The following SENP2 variants were observed in gnomAD, a reference collection of about 807,000 sequenced individuals.
The protein encoded by SENP2 is SUMO specific peptidase 2.
SENP2 carries 16 observed loss-of-function variants against 86.3 expected under a neutral mutation model. That is an observed-to-expected ratio of 0.19 (90% CI 0.13 to 0.28). SENP2 has a LOEUF of 0.28. Ranked by LOEUF, SENP2 falls within the 10% of genes least tolerant of loss-of-function variation. SENP2 has a pLI of 1.00. For missense variants in SENP2, 552 were observed against 703.0 expected, an observed-to-expected ratio of 0.79 and a Z score of 2.43; for synonymous variants, 222 against 238.7, an observed-to-expected ratio of 0.93 and a Z score of 0.64.
chr3:185,599,054 C>A, intron 4 of SENP2, 30 bp downstream of exon 4: 2 of 1,545,846 alleles, frequency 1.3e-6, no homozygotes, highest in Non-Finnish European at 1.8e-6. Flanking sequence ...TTCTGTTTCC[C>A]GCTACCTCCT....
intron 2 of SENP2, among the ~76,000 whole-genome samples, chr3:185,591,439 C>T (rs1721994175): frequency 6.6e-6 from 1 of 152,012 alleles, no homozygotes; most frequent in Non-Finnish European, 1.5e-5. Flanking sequence ...GCAACCTCCA[C>T]CTCCCGGGTT....
At chr3:185,613,676 A>G (rs1411627500) in intron 10 of SENP2, 1 of 236,944 alleles carries the variant, frequency 4.2e-6, no homozygotes, top group Admixed American at 5.4e-5. Context: ...AAAAAAATTT[A>G]AAAGTTAGCC....
In SENP2 at chr3:185,632,232, T is replaced by TG. The variant is rs1560206151; in HGVS notation, c.*2388_*2389insG. ...CCAGTGGTTTTTTTTTTGTTTTTTT[T>TG]TTTTGTTTTTTTTTTTTTTTTTTGC... On this transcript the variant is annotated 3_prime_UTR_variant, in exon 17 of 17. Coordinates refer to ENST00000296257, the MANE Select transcript of SENP2 (RefSeq NM_021627.3). 9.3e-6 allele frequency: 1 copy of TG among 107,296 alleles called. No homozygotes were observed. The highest frequency in any genetic ancestry group is 3.6e-5 in the African/African-American group (1 of 27,802). 6.6% of individuals were successfully genotyped at this position (107,296 alleles called of 1,614,324 possible).
At chr3:185,613,838 A>G (rs1051873365) in intron 10 of SENP2, among the ~76,000 whole-genome samples, 31 of 151,732 alleles carry the variant, frequency 2.0e-4, no homozygotes, top group Non-Finnish European at 1.2e-4. Context: ...AAAAAAAAAA[A>G]AAAAAAAAAA....
At chr3:185,620,074 AT>A (rs1299975557) in intron 13 of SENP2, among the ~76,000 whole-genome samples, 5 of 123,484 alleles carry the variant, frequency 4.0e-5, no homozygotes, top group African/African-American at 9.2e-5. Flanking sequence ...TTAAATTTTT[AT>A]TTTTAGAGAC....
intron 7 of SENP2, 23 bp downstream of exon 7, chr3:185,609,373 T>G: frequency 6.6e-7 from 1 of 1,514,860 alleles, no homozygotes; most frequent in East Asian, 2.3e-5. Flanking sequence ...TAACAGATAA[T>G]GCTTTGCTAG....
At chr3:185,599,470 C>G (rs1287912276) in intron 4 of SENP2, among the ~76,000 whole-genome samples, 1 of 151,972 alleles carries the variant, frequency 6.6e-6, no homozygotes, top group Non-Finnish European at 1.5e-5. Flanking sequence ...TCCTTAGATC[C>G]TGAAGTGGAA....
In SENP2 at chr3:185,617,555, C is replaced by G. The variant is rs146337020; in HGVS notation, c.1186C>G (p.Arg396Gly). Reference sequence around the variant, plus strand: ...AATCCTAAGTAGTGCTTTCAAATTGCGAATTACTCGAGGAGATATTCAGAC... The same window carrying G: ...AATCCTAAGTAGTGCTTTCAAATTGGGAATTACTCGAGGAGATATTCAGAC... ...DEILSSAFKL[R>G]ITRGDIQTLK... Residue 396 changes from arginine (R) to glycine (G), a missense_variant, in exon 12 of 17, where the codon CGA becomes GGA. This residue lies in a region of SENP2 where 169 missense variants were observed against 275.7 expected (regional missense o/e 0.61). Transcript: ENST00000296257. 5 of 1,613,324 alleles carry G rather than the reference C, an allele frequency of 3.1e-6. No individual in the cohort carries two copies. In the African/African-American group the frequency reaches 6.7e-5, roughly 22 times the overall value.
At position 185,606,221 on chromosome 3, in the gene SENP2, G is replaced by T. The variant is rs938804583; in HGVS notation, c.450-109G>T. On this transcript the variant is annotated intron_variant, in intron 5 of 16. Transcript: ENST00000296257. ...TAATTGTACTTGTCTGACTTGCCAG[G>T]AGTAAGCTTGACCTAAAGCAACTTA... The T allele has an allele frequency of 1.3e-4, 119 of 936,628 alleles. 1 individual carries two copies. The highest frequency in any genetic ancestry group is 1.7e-4 in the Non-Finnish European group (110 of 634,158). The allele number at this position is 936,628 out of a possible 1,614,324, so 58.0% of individuals were successfully genotyped here. A position where few individuals can be genotyped will look rare whatever the true frequency, so the allele number is the denominator to read the frequency against.
In SENP2 at chr3:185,613,371, C is replaced by G. The variant is rs753383564; in HGVS notation, c.896C>G (p.Thr299Arg). The change falls in exon 10 of 17, where the codon ACA (threonine) becomes AGA (arginine). Residue 299 changes from threonine (T) to arginine (R), a missense_variant. By Grantham distance (71) the Thr-to-Arg change is moderately conservative. Transcript: ENST00000296257. ...KRCSKGKITD[T>R]ETMVGIRFEN... ...TGTTCAAAGGGGAAAATTACTGATA[C>G]AGAGACGATGGTCGGAATCAGATTT... 3 of 1,596,292 alleles carry G rather than the reference C, an allele frequency of 1.9e-6. No individual in the cohort carries two copies. Among genetic ancestry groups the G allele is most frequent in the Admixed American group, 3.3e-5 (2 of 59,782 alleles).
At chr3:185,621,057 C>T (rs1184768073) in intron 13 of SENP2, among the ~76,000 whole-genome samples, 3 of 147,362 alleles carry the variant, frequency 2.0e-5, no homozygotes, top group Non-Finnish European at 4.5e-5. Flanking sequence ...CTGTGAGAGG[C>T]TGAGGTGGAA....
At chr3:185,589,491 G>A (rs1408125736) in intron 1 of SENP2, among the ~76,000 whole-genome samples, 1 of 152,074 alleles carries the variant, frequency 6.6e-6, no homozygotes, top group Non-Finnish European at 1.5e-5. Context: ...TCTTACCTGG[G>A]TTCATTTACT....
At position 185,624,184 on chromosome 3, in the gene SENP2, T is replaced by G. The variant is rs1222237493; in HGVS notation, c.1611+102T>G. On this transcript the variant is annotated intron_variant, in intron 15 of 16. Coordinates refer to ENST00000296257, the MANE Select transcript of SENP2 (RefSeq NM_021627.3). ...CTGCCCTTCCTCCCTCCCTGCATGCTTTTAAAGTACACATCTTTTTTTTTC... is the reference window on the plus strand; with the variant it reads ...CTGCCCTTCCTCCCTCCCTGCATGCGTTTAAAGTACACATCTTTTTTTTTC... 6 of 673,958 alleles carry G rather than the reference T, an allele frequency of 8.9e-6. 1 individual carries two copies. The highest frequency in any genetic ancestry group is 6.1e-5 in the South Asian group (3 of 49,580). 41.7% of individuals were successfully genotyped at this position (673,958 alleles called of 1,614,324 possible).
chr3:185,610,958 AAAAT>A (rs1180208595), intron 7 of SENP2, among the ~76,000 whole-genome samples: 1 of 151,468 alleles, frequency 6.6e-6, no homozygotes, highest in East Asian at 2.0e-4. Flanking sequence ...ACTCCGTCTC[AAAAT>A]AAATAAATAA....
At chr3:185,596,825 C>T (rs4687533) in intron 2 of SENP2, among the ~76,000 whole-genome samples, 97,551 of 151,772 alleles carry the variant, frequency 0.64, 31,775 homozygotes, top group African/African-American at 0.73. Flanking sequence ...CATGCCCTCA[C>T]CTCTGTGGTA....
intron 10 of SENP2, among the ~76,000 whole-genome samples, chr3:185,613,830 A>AAC (rs1215877180): frequency 1.0e-4 from 15 of 150,356 alleles, no homozygotes; most frequent in Admixed American, 8.6e-4. Flanking sequence ...TCTGTCTCAA[A>AAC]AAAAAAAAAA....
At position 185,617,171 on chromosome 3, in the gene SENP2, G is replaced by A. The variant is rs186755253; in HGVS notation, c.1111-309G>A. On this transcript the variant is annotated intron_variant, in intron 11 of 16. Transcript: ENST00000296257. ...AAGTAAGGCTGCTTTGTAGTTATAA[G>A]TTAAAATATTTTCAGGGCTGGTGCA... Among the ~76,000 whole-genome samples, 411 of 152,164 alleles carry A rather than the reference G, an allele frequency of 2.7e-3. 1 individual carries two copies. Among genetic ancestry groups the A allele is most frequent in the Middle Eastern group, 6.8e-3 (2 of 294 alleles).
chr3:185,592,011 C>CTTTTTTGTTTTTT (rs1722018956), intron 2 of SENP2, among the ~76,000 whole-genome samples: 1 of 65,804 alleles, frequency 1.5e-5, no homozygotes, highest in Non-Finnish European at 2.7e-5. Flanking sequence ...GGTAATATTT[C>CTTTTTTGTTTTTT]TTTTTTTTTT....
chr3:185,591,257 T>G (rs1363916824), intron 2 of SENP2, among the ~76,000 whole-genome samples: 1 of 152,042 alleles, frequency 6.6e-6, no homozygotes, highest in Non-Finnish European at 1.5e-5. Context: ...GTAACTACTG[T>G]TACCAGGGAC....
Sources: gnomAD v4.1 joint callset for allele counts (sites outside exome capture counted in the v4.1 genomes callset) on GRCh38, gnomAD v4.1.1 for gene constraint, gnomAD v4.1.1 regional missense constraint, MANE v1.5 for transcripts, NCBI Gene and HGNC (gene_info 2026-07-23, HGNC 2026-07-21) for gene names.